The following THSD7B variants were observed in gnomAD, a reference collection of about 807,000 sequenced individuals.
THSD7B encodes the protein thrombospondin type 1 domain containing 7B.
Under a neutral mutation model 213.6 loss-of-function variants are expected in THSD7B, and 138 were observed. The ratio of observed to expected loss-of-function variants is 0.65; its 90% CI spans 0.56 to 0.74. The LOEUF is 0.74. Ranked by LOEUF, THSD7B falls within the 30% of genes least tolerant of loss-of-function variation. The pLI, the probability that THSD7B is intolerant of heterozygous loss-of-function variation, is 0.00. For synonymous variants in THSD7B, 742 were observed against 687.0 expected (o/e 1.08, Z -1.25); for missense variants, 1,931 against 1,991.5 (o/e 0.97, Z 0.58).
intron 12 of THSD7B, among the ~76,000 whole-genome samples, chr2:137,307,454 A>G (rs1252162216): frequency 2.6e-5 from 4 of 152,140 alleles, no homozygotes; most frequent in Non-Finnish European, 5.9e-5. Flanking sequence ...GGAGGCTGTG[A>G]ATCAATACGA....
At chr2:136,996,060 A>G (rs745597991) in intron 2 of THSD7B, among the ~76,000 whole-genome samples, 4 of 152,192 alleles carry the variant, frequency 2.6e-5, no homozygotes, top group Non-Finnish European at 1.5e-5. Context: ...GAAGAGCAAC[A>G]TATAATTTAA....
At chr2:137,335,018 C>T (rs985766088) in intron 12 of THSD7B, among the ~76,000 whole-genome samples, 1 of 152,140 alleles carries the variant, frequency 6.6e-6, no homozygotes, top group African/African-American at 2.4e-5. Context: ...TTTCCTGAGG[C>T]CTCCCAGCAA....
At chr2:137,313,777 G>A (rs1449734483) in intron 12 of THSD7B, among the ~76,000 whole-genome samples, 1 of 152,044 alleles carries the variant, frequency 6.6e-6, no homozygotes, top group Non-Finnish European at 1.5e-5. Context: ...GCTTAGTTTG[G>A]CTGTATATGA....
chr2:137,635,639 T>A (rs1682818526), intron 20 of THSD7B, among the ~76,000 whole-genome samples: 1 of 152,106 alleles, frequency 6.6e-6, no homozygotes, highest in Admixed American at 6.6e-5. Flanking sequence ...TAGGAATTGA[T>A]ATGAGAGTAT....
At chr2:137,564,663 GA>G (rs1316574766) in intron 16 of THSD7B, among the ~76,000 whole-genome samples, 2 of 152,054 alleles carry the variant, frequency 1.3e-5, no homozygotes, top group African/African-American at 4.8e-5. Flanking sequence ...AATATTCAAG[GA>G]AAATCTCAGG....
At chr2:136,972,978 G>T (rs1685427895) in intron 2 of THSD7B, among the ~76,000 whole-genome samples, 1 of 151,984 alleles carries the variant, frequency 6.6e-6, no homozygotes, top group South Asian at 2.1e-4. Flanking sequence ...TTAAATCACG[G>T]TTTAAAAACA....
chr2:137,406,791 A>G (rs1378363721), intron 13 of THSD7B, among the ~76,000 whole-genome samples: 2 of 152,226 alleles, frequency 1.3e-5, no homozygotes, highest in African/African-American at 4.8e-5. Context: ...AGAACACCAA[A>G]CAAGAAATGC....
chr2:136,782,735 T>G (rs1681765574), intron 1 of THSD7B, among the ~76,000 whole-genome samples: 1 of 152,186 alleles, frequency 6.6e-6, no homozygotes, highest in African/African-American at 2.4e-5. Flanking sequence ...TATTGTATTC[T>G]TGAAAAACTT....
chr2:137,670,875 T>G (rs546589506), intron 27 of THSD7B, among the ~76,000 whole-genome samples: 1 of 136,400 alleles, frequency 7.3e-6, no homozygotes, highest in Non-Finnish European at 1.5e-5. Flanking sequence ...GAGCCAAGAT[T>G]GCGCCACTGC....
intron 10 of THSD7B, among the ~76,000 whole-genome samples, chr2:137,272,250 C>T (rs1478079898): frequency 6.6e-6 from 1 of 151,988 alleles, no homozygotes; most frequent in Non-Finnish European, 1.5e-5. Flanking sequence ...TTCGATCATG[C>T]CATAAAACTT....
At chr2:137,585,663 T>G (rs984489249) in intron 17 of THSD7B, among the ~76,000 whole-genome samples, 2 of 152,210 alleles carry the variant, frequency 1.3e-5, no homozygotes, top group Non-Finnish European at 2.9e-5. Context: ...GTGAGTTTCT[T>G]AATCCTGAGT....
At chr2:137,209,462 G>GA (rs1681053721) in intron 7 of THSD7B, among the ~76,000 whole-genome samples, 1 of 152,010 alleles carries the variant, frequency 6.6e-6, no homozygotes, top group Non-Finnish European at 1.5e-5. Context: ...CAGGGTGCCA[G>GA]ATTTGTGAAA....
At chr2:136,870,680 G>A (rs1683417641) in intron 1 of THSD7B, among the ~76,000 whole-genome samples, 1 of 152,158 alleles carries the variant, frequency 6.6e-6, no homozygotes, top group African/African-American at 2.4e-5. Flanking sequence ...GGCAGTGCAA[G>A]GACGTTAAGA....
chr2:137,405,436 G>A (rs575904174), intron 12 of THSD7B, among the ~76,000 whole-genome samples, 177 bp from the exon 13 acceptor site: 2 of 152,170 alleles, frequency 1.3e-5, no homozygotes, highest in South Asian at 4.1e-4. Flanking sequence ...TACCTCCAAT[G>A]ACAACAATAA....
chr2:137,272,665 A>C lies in THSD7B; in HGVS notation c.2396+3A>C. The C allele has an allele frequency of 1.9e-6, 3 of 1,610,612 alleles. No homozygotes were observed. The highest frequency in any genetic ancestry group is 2.5e-6 in the Non-Finnish European group (3 of 1,178,278). On this transcript the variant is annotated splice_donor_region_variant and intron_variant, in intron 11 of 27. Coordinates refer to ENST00000409968, the MANE Select transcript of THSD7B (RefSeq NM_001316349.2). ...GTTTCCTTGTGTCCTGTATATCGGC[A>C]AGTAGTTACCTTTTAAAATTATCGT... is the stretch of plus-strand genomic sequence containing the variant.
chr2:137,274,872 T>C (rs890908305), intron 11 of THSD7B, among the ~76,000 whole-genome samples: 1 of 152,128 alleles, frequency 6.6e-6, no homozygotes, highest in African/African-American at 2.4e-5. Context: ...ACAGGTTTCC[T>C]GTTTAGCTGT....
At chr2:137,566,966 G>T (rs2105228395) in intron 16 of THSD7B, among the ~76,000 whole-genome samples, 1 of 152,072 alleles carries the variant, frequency 6.6e-6, no homozygotes, top group African/African-American at 2.4e-5. Flanking sequence ...GTAGAAAGAG[G>T]ATTCCAGGGA....
intron 2 of THSD7B, among the ~76,000 whole-genome samples, chr2:136,933,695 T>G (rs1684671501): frequency 6.8e-6 from 1 of 146,404 alleles, no homozygotes; most frequent in Non-Finnish European, 1.5e-5. Context: ...CAATCTCTTC[T>G]TCTCTGTCCC....
At chr2:137,057,511 A>T (rs1194346054) in intron 3 of THSD7B, among the ~76,000 whole-genome samples, 3 of 152,212 alleles carry the variant, frequency 2.0e-5, no homozygotes, top group African/African-American at 7.2e-5. Flanking sequence ...AGTAACTAGT[A>T]TAAAAATAGA....
Sources: allele counts gnomAD v4.1 joint callset (sites outside exome capture counted in the v4.1 genomes callset), GRCh38; gene constraint gnomAD v4.1.1; transcripts MANE v1.5; gene names NCBI Gene and HGNC (gene_info 2026-07-23, HGNC 2026-07-21).